GPC6: variants seen among roughly 807,000 people sequenced by gnomAD.
The protein encoded by GPC6 is glypican-6.
In GPC6, 14 loss-of-function variants were observed where a neutral mutation model predicts 55.2. The observed-to-expected ratio is 0.25, with a 90% CI of 0.17 to 0.40. The LOEUF (loss-of-function observed/expected upper bound fraction) is 0.40. GPC6 is among the 10% of genes least tolerant of loss of function. GPC6 has a pLI of 1.00. For synonymous variants in GPC6, 278 were observed against 259.6 expected, an observed-to-expected ratio of 1.07 and a Z score of -0.68; for missense variants, 641 against 708.5, an observed-to-expected ratio of 0.90 and a Z score of 1.08.
chr13:93,686,850 T>C (rs1481502387), intron 2 of GPC6, among the ~76,000 whole-genome samples: 4 of 152,118 alleles, frequency 2.6e-5, no homozygotes, highest in African/African-American at 9.7e-5. Context: ...AGAACAGTAG[T>C]TTTGATGAAT....
chr13:94,332,952 C>T (rs1249701231), intron 6 of GPC6, among the ~76,000 whole-genome samples: 2 of 152,236 alleles, frequency 1.3e-5, no homozygotes, highest in Non-Finnish European at 2.9e-5. Flanking sequence ...CATGAAGTTT[C>T]TGGAAATCAT....
intron 2 of GPC6, among the ~76,000 whole-genome samples, chr13:93,699,881 T>C (rs898488481): frequency 7.2e-5 from 11 of 152,194 alleles, no homozygotes; most frequent in East Asian, 5.8e-4. Flanking sequence ...TTATTTTTTT[T>C]CTTACTTACC....
chr13:93,817,816 C>T (rs1208745730), intron 2 of GPC6, among the ~76,000 whole-genome samples: 2 of 151,700 alleles, frequency 1.3e-5, no homozygotes. Flanking sequence ...CGAGATGGTG[C>T]CGCTGCACTT....
chr13:94,313,197 T>C (rs1264974338), intron 6 of GPC6, among the ~76,000 whole-genome samples: 6 of 152,190 alleles, frequency 3.9e-5, no homozygotes, highest in Admixed American at 2.0e-4. Flanking sequence ...CAGGCTTCTT[T>C]CCATTTAGGA....
At chr13:93,968,931 T>C (rs72644489) in intron 3 of GPC6, among the ~76,000 whole-genome samples, 1,901 of 152,280 alleles carry the variant, frequency 0.012, 19 homozygotes, top group Middle Eastern at 0.017. Flanking sequence ...TAGATGTTGG[T>C]ATAATATTTG....
At chr13:93,353,402 GT>G (rs1880701884) in intron 1 of GPC6, among the ~76,000 whole-genome samples, 1 of 152,168 alleles carries the variant, frequency 6.6e-6, no homozygotes, top group Non-Finnish European at 1.5e-5. Context: ...GCCAAGTGAT[GT>G]TTGTGGCATA....
At chr13:93,944,318 C>A (rs985535801) in intron 3 of GPC6, among the ~76,000 whole-genome samples, 3 of 152,078 alleles carry the variant, frequency 2.0e-5, no homozygotes, top group Non-Finnish European at 4.4e-5. Flanking sequence ...ATTCTCCTGC[C>A]TCAGCCTCCC....
At chr13:94,205,466 C>T (rs907076769) in intron 4 of GPC6, among the ~76,000 whole-genome samples, 24 of 152,168 alleles carry the variant, frequency 1.6e-4, no homozygotes, top group African/African-American at 5.5e-4. Context: ...ACCAAGAGGC[C>T]TATTTGTTAG....
At chr13:93,616,367 A>G (rs1167603024) in intron 2 of GPC6, among the ~76,000 whole-genome samples, 1 of 152,090 alleles carries the variant, frequency 6.6e-6, no homozygotes, top group Non-Finnish European at 1.5e-5. Context: ...TTTACCATTC[A>G]AAGGGAAGTT....
intron 3 of GPC6, among the ~76,000 whole-genome samples, chr13:93,842,731 A>T (rs955455060): frequency 1.3e-5 from 2 of 152,134 alleles, no homozygotes; most frequent in African/African-American, 4.8e-5. Context: ...TCCAGCTTAA[A>T]TCACCAGGAT....
chr13:93,753,284 A>G (rs1001747262), intron 2 of GPC6, among the ~76,000 whole-genome samples: 3 of 152,042 alleles, frequency 2.0e-5, no homozygotes, highest in African/African-American at 7.2e-5. Flanking sequence ...AACACAACTA[A>G]CAACACTGTC....
intron 4 of GPC6, among the ~76,000 whole-genome samples, chr13:94,134,895 T>C (rs1302056076): frequency 1.3e-5 from 2 of 152,206 alleles, no homozygotes; most frequent in African/African-American, 4.8e-5. Context: ...TTCTTCTAAA[T>C]CACATAAGAT....
chr13:93,244,229 C>T (rs1322872595), intron 1 of GPC6, among the ~76,000 whole-genome samples: 1 of 152,196 alleles, frequency 6.6e-6, no homozygotes, highest in Non-Finnish European at 1.5e-5. Flanking sequence ...ATGCCTTTGA[C>T]AAGGCAGATC....
At chr13:93,543,682 C>T (rs533315851) in intron 1 of GPC6, among the ~76,000 whole-genome samples, 16 of 152,184 alleles carry the variant, frequency 1.1e-4, no homozygotes, top group African/African-American at 3.9e-4. Flanking sequence ...AGTACTATTC[C>T]ATTGTGTACT....
intron 6 of GPC6, among the ~76,000 whole-genome samples, chr13:94,308,299 C>T (rs1033956874): frequency 5.3e-5 from 8 of 152,100 alleles, no homozygotes; most frequent in Non-Finnish European, 1.0e-4. Context: ...ATCAACACTT[C>T]GAGAATTTTC....
intron 3 of GPC6, among the ~76,000 whole-genome samples, chr13:93,850,949 G>A (rs1888371788): frequency 6.6e-6 from 1 of 151,964 alleles, no homozygotes; most frequent in African/African-American, 2.4e-5. Context: ...TGCCTTGGAA[G>A]GGGTTGGCCA....
At chr13:93,815,842 A>AC (rs1003278429) in intron 2 of GPC6, among the ~76,000 whole-genome samples, 10 of 216 alleles carry the variant, frequency 0.046, no homozygotes, top group Non-Finnish European at 0.086. Context: ...TGAGCCTGAT[A>AC]TTTTTTCCTG....
At chr13:93,690,861 T>G (rs928546130) in intron 2 of GPC6, among the ~76,000 whole-genome samples, 2 of 152,236 alleles carry the variant, frequency 1.3e-5, no homozygotes, top group South Asian at 4.1e-4. Context: ...CTGCAGCATT[T>G]TTTTCTTTTT....
intron 1 of GPC6, among the ~76,000 whole-genome samples, chr13:93,441,085 A>G (rs565062425): frequency 1.3e-5 from 2 of 152,294 alleles, no homozygotes; most frequent in Non-Finnish European, 2.9e-5. Flanking sequence ...TTCTTAATCC[A>G]GTCTATCATT....
Sources: gnomAD v4.1 joint callset for allele counts (sites outside exome capture counted in the v4.1 genomes callset) on GRCh38, gnomAD v4.1.1 for gene constraint, MANE v1.5 for transcripts, NCBI Gene and HGNC (gene_info 2026-07-23, HGNC 2026-07-21) for gene names.